The following IMMP2L variants were observed in gnomAD, a reference collection of about 807,000 sequenced individuals.
The protein encoded by IMMP2L is inner mitochondrial membrane peptidase subunit 2, also known as mitochondrial inner membrane protease subunit 2.
Under a neutral mutation model 19.3 loss-of-function variants are expected in IMMP2L, and 18 were observed. The ratio of observed to expected loss-of-function variants is 0.93; its 90% CI spans 0.64 to 1.38. The LOEUF (loss-of-function observed/expected upper bound fraction) is 1.38. Ranked by LOEUF, IMMP2L falls within the 40% of genes most tolerant of loss-of-function variation. The pLI is 0.00. For synonymous variants in IMMP2L, 76 were observed against 73.0 expected, an observed-to-expected ratio of 1.04 and a Z score of -0.21; for missense variants, 233 against 218.2, an observed-to-expected ratio of 1.07 and a Z score of -0.43.
At chr7:111,532,825 C>T (rs1225945045) in intron 1 of IMMP2L, among the ~76,000 whole-genome samples, 1 of 152,140 alleles carries the variant, frequency 6.6e-6, no homozygotes, top group Non-Finnish European at 1.5e-5. Context: ...AAGGTGCCCA[C>T]AGCCCATGTA....
Position 110,803,733 on chromosome 7 carries a change from C to A in IMMP2L, c.408+82860G>T, listed in dbSNP as rs561759610. ...TGACAGGCTATCCCCTGGGAGCACTCCCAGCAATTGGGAGAAGTCATTCCT... is the reference window on the plus strand; with the variant it reads ...TGACAGGCTATCCCCTGGGAGCACTACCAGCAATTGGGAGAAGTCATTCCT... On this transcript the variant is annotated intron_variant, in intron 5 of 5. Coordinates refer to ENST00000405709, the MANE Select transcript of IMMP2L (RefSeq NM_032549.4). The surrounding 1 kb of genome is among the most constrained non-coding windows in gnomAD (Gnocchi z 4.2). 6.6e-6 allele frequency among the ~76,000 whole-genome samples: 1 copy of A among 152,094 alleles called. No individual in the cohort carries two copies. The highest frequency in any genetic ancestry group is 2.4e-5 in the African/African-American group (1 of 41,532).
At chr7:110,715,137 G>A (rs951290992) in intron 5 of IMMP2L, among the ~76,000 whole-genome samples, 1 of 152,076 alleles carries the variant, frequency 6.6e-6, no homozygotes, top group African/African-American at 2.4e-5. Context: ...GTTTCCGATT[G>A]TGCTTATTTG....
intron 3 of IMMP2L, among the ~76,000 whole-genome samples, chr7:111,004,318 C>T (rs1563151453): frequency 6.6e-6 from 1 of 152,118 alleles, no homozygotes; most frequent in Admixed American, 6.6e-5. Context: ...TACCATCACG[C>T]CTGGCTAATT....
chr7:111,018,137 T>G (rs1825891065), intron 3 of IMMP2L, among the ~76,000 whole-genome samples: 1 of 152,206 alleles, frequency 6.6e-6, no homozygotes, highest in Non-Finnish European at 1.5e-5. Flanking sequence ...GAACCCAGGT[T>G]ATTTTTCAGA....
At chr7:111,050,322 G>T (rs981515103) in intron 3 of IMMP2L, among the ~76,000 whole-genome samples, 2 of 152,112 alleles carry the variant, frequency 1.3e-5, no homozygotes, top group African/African-American at 4.8e-5. Context: ...TCCCCCTTCT[G>T]AAACTTGGGA....
intron 2 of IMMP2L, among the ~76,000 whole-genome samples, chr7:111,489,823 AC>A (rs1842946321): frequency 6.6e-6 from 1 of 152,102 alleles, no homozygotes; most frequent in African/African-American, 2.4e-5. Flanking sequence ...TAACTACCTG[AC>A]AAAAAATTCA....
intron 5 of IMMP2L, among the ~76,000 whole-genome samples, chr7:110,868,295 C>CTGTT (rs1161052905): frequency 6.6e-6 from 1 of 151,924 alleles, no homozygotes; most frequent in Non-Finnish European, 1.5e-5. Flanking sequence ...GCCCATTTTT[C>CTGTT]TGTTTGAAAC....
intron 3 of IMMP2L, among the ~76,000 whole-genome samples, chr7:111,445,445 TA>T (rs1261022183): frequency 6.6e-6 from 1 of 151,996 alleles, no homozygotes; most frequent in African/African-American, 2.4e-5. Context: ...TACATAAGTT[TA>T]AACTGGTTTG....
chr7:110,795,246 C>T (rs920552337), intron 5 of IMMP2L, among the ~76,000 whole-genome samples: 1 of 151,982 alleles, frequency 6.6e-6, no homozygotes, highest in African/African-American at 2.4e-5. Context: ...TTTTTACTGG[C>T]CACTACCAAA....
At chr7:111,547,582 G>C (rs535900850) in intron 1 of IMMP2L, among the ~76,000 whole-genome samples, 109 of 150,030 alleles carry the variant, frequency 7.3e-4, no homozygotes, top group Non-Finnish European at 1.4e-3. Flanking sequence ...GGGAGACAGG[G>C]CCTTGTTCTG....
chr7:110,880,152 A>G (rs1157709118), intron 5 of IMMP2L, among the ~76,000 whole-genome samples: 1 of 152,132 alleles, frequency 6.6e-6, no homozygotes, highest in African/African-American at 2.4e-5. Context: ...AGTTAGACAA[A>G]TCTTAATATA....
intron 3 of IMMP2L, among the ~76,000 whole-genome samples, chr7:111,221,436 A>G (rs550445922): frequency 6.6e-6 from 1 of 152,172 alleles, no homozygotes; most frequent in East Asian, 1.9e-4. Context: ...AGCTTGTTTT[A>G]AGACTAGCAA....
chr7:111,368,374 A>G (rs1324909879), intron 3 of IMMP2L, among the ~76,000 whole-genome samples: 1 of 151,968 alleles, frequency 6.6e-6, no homozygotes, highest in African/African-American at 2.4e-5. Flanking sequence ...TGCTCAGTCC[A>G]ATGGTATAGG....
At chr7:111,331,338 A>G (rs1825852947) in intron 3 of IMMP2L, among the ~76,000 whole-genome samples, 1 of 151,992 alleles carries the variant, frequency 6.6e-6, no homozygotes, top group African/African-American at 2.4e-5. Flanking sequence ...AAAGACAAAT[A>G]TCACGTTCTC....
chr7:111,351,454 T>G (rs1452294340), intron 3 of IMMP2L, among the ~76,000 whole-genome samples: 1 of 152,034 alleles, frequency 6.6e-6, no homozygotes, highest in Non-Finnish European at 1.5e-5. Flanking sequence ...CTCCCAAAGT[T>G]CTGGGATTAC....
rs200209430 is a variant in IMMP2L at position 110,902,479 on chromosome 7, A to T, written c.306-15784T>A. Among the ~76,000 whole-genome samples the T allele has an allele frequency of 4.1e-4, 57 of 140,550 alleles. 2 individuals carry two copies. In the East Asian group the frequency reaches 6.8e-3, roughly 17 times the overall value. The allele number at this position is 140,550 out of a possible 152,430, so 92.2% of individuals were successfully genotyped here. A position where few individuals can be genotyped will look rare whatever the true frequency, so the allele number is the denominator to read the frequency against. On this transcript the variant is annotated intron_variant, in intron 4 of 5. Coordinates refer to ENST00000405709, the MANE Select transcript of IMMP2L (RefSeq NM_032549.4). The stretch of plus-strand genomic sequence containing the variant: ...AATATAAATATGTCATGAATGATAA[A>T]ATATATATATATATATATATATAGT...
intron 3 of IMMP2L, among the ~76,000 whole-genome samples, chr7:111,326,333 GT>G (rs970350660): frequency 2.0e-5 from 3 of 151,606 alleles, no homozygotes; most frequent in African/African-American, 4.8e-5. Flanking sequence ...CTACAAAAAA[GT>G]TTTTGATCAA....
intron 2 of IMMP2L, among the ~76,000 whole-genome samples, chr7:111,513,362 A>G (rs1319598309): frequency 6.6e-6 from 1 of 152,146 alleles, no homozygotes; most frequent in East Asian, 1.9e-4. Context: ...AATATTCAAT[A>G]TCACTAATTA....
At chr7:111,194,028 A>G (rs953286368) in intron 3 of IMMP2L, among the ~76,000 whole-genome samples, 2 of 152,140 alleles carry the variant, frequency 1.3e-5, no homozygotes, top group Non-Finnish European at 1.5e-5. Context: ...AACTACTTAT[A>G]AAGTCACAGC....
Sources: gnomAD v4.1 joint callset for allele counts (sites outside exome capture counted in the v4.1 genomes callset) on GRCh38, gnomAD v4.1.1 for gene constraint, Gnocchi (gnomAD v3.1) non-coding constraint, MANE v1.5 for transcripts, NCBI Gene and HGNC (gene_info 2026-07-23, HGNC 2026-07-21) for gene names.